Variants in UBE3B observed in about 807,000 individuals in gnomAD.
The protein encoded by UBE3B is ubiquitin-protein ligase E3B.
UBE3B carries 80 observed loss-of-function variants against 132.3 expected under a neutral mutation model. That is an observed-to-expected ratio of 0.60 (90% confidence interval 0.50 to 0.73). The LOEUF is 0.73. Ranked by LOEUF, UBE3B falls within the 30% of genes least tolerant of loss-of-function variation. The probability of loss-of-function intolerance (pLI) is 0.00; values close to 1 mark genes in which losing one functional copy is unlikely to be tolerated. For missense variants in UBE3B, 1,196 were observed against 1,362.5 expected (o/e 0.88, Z 1.92); for synonymous variants, 487 against 520.4 (o/e 0.94, Z 0.87).
In UBE3B at chr12:109,534,742, G is replaced by A. The variant is rs1337946234; in HGVS notation, c.3167G>A (p.Arg1056His). 3.8e-6 allele frequency: 6 copies of A among 1,589,110 alleles called. No homozygotes were observed. Among genetic ancestry groups the A allele is most frequent in the African/African-American group, 1.3e-5 (1 of 74,162 alleles). ...AAGAGCGTCCTCCGCGAGAAGCTGCGCTACGCCATCAGCATGAACACGGGC... is the reference window on the plus strand; with the variant it reads ...AAGAGCGTCCTCCGCGAGAAGCTGCACTACGCCATCAGCATGAACACGGGC... ...SKKSVLREKL[R>H]YAISMNTGFE... Residue 1056 changes from arginine (R) to histidine (H), a missense_variant, in exon 28 of 28, where the codon CGC (arginine) becomes CAC (histidine). Coordinates refer to ENST00000342494, the MANE Select transcript of UBE3B (RefSeq NM_130466.4). This position sits in a 1 kb window ranked among gnomAD's most constrained non-coding sequence, Gnocchi z 5.2.
At chr12:109,485,919 C>A in intron 4 of UBE3B, 93 bp from the exon 5 acceptor site, 1 of 1,356,244 alleles carries the variant, frequency 7.4e-7, no homozygotes, top group South Asian at 1.3e-5. Context: ...ATAATACCTG[C>A]ACGTGCCAGG....
the UBE3B span, among the ~76,000 whole-genome samples, chr12:109,546,124 C>T: frequency 3.3e-5 from 5 of 152,112 alleles, no homozygotes; most frequent in Non-Finnish European, 5.9e-5. Flanking sequence ...CATCTGGGAA[C>T]GGGTTCCATT....
intron 23 of UBE3B, among the ~76,000 whole-genome samples, chr12:109,525,984 T>A (rs533324312): frequency 6.6e-6 from 1 of 152,298 alleles, no homozygotes; most frequent in South Asian, 2.1e-4. Flanking sequence ...TTTTTTCACC[T>A]TTTTAGTAAA....
intron 21 of UBE3B, among the ~76,000 whole-genome samples, chr12:109,523,587 C>A (rs934653075): frequency 2.6e-5 from 4 of 152,228 alleles, no homozygotes; most frequent in African/African-American, 9.6e-5. Flanking sequence ...CCTCTGTGCT[C>A]CTCTGGCCCC....
intron 15 of UBE3B, 33 bp from the exon 16 acceptor site, chr12:109,509,563 G>A (rs755472931): frequency 1.0e-5 from 15 of 1,471,234 alleles, no homozygotes; most frequent in Non-Finnish European, 1.4e-5. Flanking sequence ...TTTTTTCAGT[G>A]TGGAATTGTG....
chr12:109,507,516 C>T (rs751265914), intron 14 of UBE3B, 48 bp from the exon 15 acceptor site: 5 of 1,577,696 alleles, frequency 3.2e-6, no homozygotes, highest in South Asian at 1.2e-5. Flanking sequence ...AATAACAGAC[C>T]AGGTGGAGTC....
At chr12:109,516,167 CTTTT>C (rs59084691) in intron 18 of UBE3B, among the ~76,000 whole-genome samples, 1 of 91,138 alleles carries the variant, frequency 1.1e-5, no homozygotes, top group Non-Finnish European at 2.1e-5. Flanking sequence ...TCTTTTTTTT[CTTTT>C]TTTTTTTTTT....
chr12:109,528,806 G>A (rs552941303), intron 24 of UBE3B, among the ~76,000 whole-genome samples: 3 of 150,582 alleles, frequency 2.0e-5, no homozygotes, highest in East Asian at 3.9e-4. Flanking sequence ...GCCGAATCGC[G>A]CCATTGCACT....
chr12:109,485,831 A>T (rs145638057), intron 4 of UBE3B, among the ~76,000 whole-genome samples, 181 bp from the exon 5 acceptor site: 1 of 152,274 alleles, frequency 6.6e-6, no homozygotes, highest in East Asian at 1.9e-4. Flanking sequence ...CCAGTTGGAG[A>T]ACCCTTTAGT....
intron 24 of UBE3B, 56 bp downstream of exon 24, chr12:109,526,472 T>C: frequency 6.5e-7 from 1 of 1,533,662 alleles, no homozygotes; most frequent in Non-Finnish European, 9.0e-7. Flanking sequence ...TCATTCTGGC[T>C]CTCTGCGCTT....
chr12:109,498,481 CG>C (rs1484388962), intron 11 of UBE3B, 128 bp downstream of exon 11: 1 of 1,073,764 alleles, frequency 9.3e-7, no homozygotes, highest in Non-Finnish European at 1.3e-6. Flanking sequence ...ATAAAAAACA[CG>C]TATTTAGATA....
In UBE3B at chr12:109,521,847, G is replaced by A. The variant is rs1479547075; in HGVS notation, c.2364+296G>A. On this transcript the variant is annotated intron_variant, in intron 21 of 27. Transcript: ENST00000342494. The surrounding 1 kb of genome is among the most constrained non-coding windows in gnomAD (Gnocchi z 4.2). ...CCAGAGTTTCGTTGCTAGTTAAGTG[G>A]TAGAGGTGGAATTTGAACCCAGGCC... is the stretch of plus-strand genomic sequence containing the variant. Among the ~76,000 whole-genome samples the A allele has an allele frequency of 6.6e-6, 1 of 152,198 alleles. No individual in the cohort carries two copies. The highest frequency in any genetic ancestry group is 1.5e-5 in the Non-Finnish European group (1 of 68,038).
Position 109,516,803 on chromosome 12 carries a change from G to T in UBE3B, c.1995G>T (p.Lys665Asn), listed in dbSNP as rs150616667. The T allele has an allele frequency of 1.1e-5, 18 of 1,614,058 alleles. No homozygotes were observed. Among genetic ancestry groups the T allele is most frequent in the Non-Finnish European group, 1.4e-5 (17 of 1,180,018 alleles). The change falls in exon 19 of 28, where the codon AAG becomes AAT. Residue 665 changes from lysine (K) to asparagine (N), a missense_variant. By Grantham distance (94) the Lys-to-Asn change is moderately conservative. Transcript: ENST00000342494. ...LLFRTMVTKE[K>N]EKLGLVETSS... Reference sequence around the variant, plus strand: ...TTCGAACCATGGTTACCAAGGAGAAGGAGAAACTGGGGCTGGTGGAAACCA... The same window carrying T: ...TTCGAACCATGGTTACCAAGGAGAATGAGAAACTGGGGCTGGTGGAAACCA...
intron 18 of UBE3B, among the ~76,000 whole-genome samples, chr12:109,511,531 G>A (rs894686730): frequency 2.0e-5 from 3 of 152,222 alleles, no homozygotes; most frequent in African/African-American, 2.4e-5. Flanking sequence ...GCCCAGGTAC[G>A]GAGACCTGAC....
downstream of UBE3B, among the ~76,000 whole-genome samples, chr12:109,537,886 AG>A (rs1883512272): frequency 6.6e-6 from 1 of 152,072 alleles, no homozygotes; most frequent in Non-Finnish European, 1.5e-5. Context: ...TTGTATTTTT[AG>A]GAGAGACAGG....
At chr12:109,516,167 C>CTTTTTTTTTTTT (rs59084691) in intron 18 of UBE3B, among the ~76,000 whole-genome samples, 9 of 91,138 alleles carry the variant, frequency 9.9e-5, no homozygotes, top group East Asian at 3.2e-4. Context: ...TCTTTTTTTT[C>CTTTTTTTTTTTT]TTTTTTTTTT....
At chr12:109,494,287 TG>T (rs1877881198) in intron 9 of UBE3B, among the ~76,000 whole-genome samples, 1 of 152,228 alleles carries the variant, frequency 6.6e-6, no homozygotes, top group Admixed American at 6.5e-5. Context: ...CCTCACATGT[TG>T]GACACATTTT....
intron 24 of UBE3B, among the ~76,000 whole-genome samples, chr12:109,529,259 T>A (rs10850339): frequency 0.08 from 12,215 of 152,248 alleles, 1,102 homozygotes; most frequent in African/African-American, 0.22. Context: ...TTTATGCAGT[T>A]GTAGTTGAGG....
chr12:109,532,383 A>C (rs1479621617), intron 26 of UBE3B, among the ~76,000 whole-genome samples: 1 of 151,928 alleles, frequency 6.6e-6, no homozygotes, highest in Non-Finnish European at 1.5e-5. Context: ...TCTTGTTAAT[A>C]CTCTTTTTAA....
Sources: allele counts gnomAD v4.1 joint callset (sites outside exome capture counted in the v4.1 genomes callset), GRCh38; gene constraint gnomAD v4.1.1; non-coding constraint Gnocchi (gnomAD v3.1); transcripts MANE v1.5; gene names NCBI Gene and HGNC (gene_info 2026-07-23, HGNC 2026-07-21).